Variants in ATXN1 observed in about 807,000 individuals in gnomAD.
ATXN1 encodes ataxin-1.
A neutral mutation model predicts 56.4 loss-of-function variants in ATXN1; 8 were observed. The ratio of observed to expected loss-of-function variants is 0.14; its 90% CI spans 0.08 to 0.26. The LOEUF (loss-of-function observed/expected upper bound fraction) is 0.26. Among genes scored for constraint, ATXN1 ranks in the 10% least tolerant of loss-of-function variants. The pLI is 1.00. For synonymous variants in ATXN1, 514 were observed against 494.6 expected (o/e 1.04, Z -0.52); for missense variants, 987 against 1,106.5 (o/e 0.89, Z 1.53).
At chr6:16,750,547 T>C (rs924170020) in intron 2 of ATXN1, among the ~76,000 whole-genome samples, 2 of 152,246 alleles carry the variant, frequency 1.3e-5, no homozygotes, top group South Asian at 2.1e-4. Flanking sequence ...AATGTTTAGA[T>C]AATGCTTATA....
intron 5 of ATXN1, among the ~76,000 whole-genome samples, chr6:16,496,222 G>C (rs1014744008): frequency 6.6e-6 from 1 of 151,978 alleles, no homozygotes; most frequent in Non-Finnish European, 1.5e-5. Context: ...TCTTTTTTTG[G>C]AGGAGGCTTC....
chr6:16,411,796 A>C (rs1758805296), intron 6 of ATXN1, among the ~76,000 whole-genome samples: 1 of 152,238 alleles, frequency 6.6e-6, no homozygotes, highest in Non-Finnish European at 1.5e-5. Context: ...ATATACCTTC[A>C]TGCCTAATTC....
chr6:16,453,695 G>T (rs1294307398), intron 6 of ATXN1, among the ~76,000 whole-genome samples: 2 of 152,114 alleles, frequency 1.3e-5, no homozygotes, highest in African/African-American at 2.4e-5. Flanking sequence ...TGTGCTACAG[G>T]TTGTGCATAT....
chr6:16,515,410 C>T (rs530060658), intron 5 of ATXN1, among the ~76,000 whole-genome samples: 1 of 152,308 alleles, frequency 6.6e-6, no homozygotes, highest in Non-Finnish European at 1.5e-5. Context: ...CCACTCCTCC[C>T]TCCCTACCAC....
chr6:16,473,366 A>C (rs551178608), intron 6 of ATXN1, among the ~76,000 whole-genome samples: 44 of 152,326 alleles, frequency 2.9e-4, no homozygotes, highest in African/African-American at 1.1e-3. Flanking sequence ...TGGTGAAATG[A>C]AACAGTCATT....
chr6:16,391,128 C>G (rs1158883893), intron 6 of ATXN1, among the ~76,000 whole-genome samples: 1 of 140,426 alleles, frequency 7.1e-6, no homozygotes, highest in Non-Finnish European at 1.5e-5. Flanking sequence ...CGTCACTGCA[C>G]TCCAGCCTGG....
At chr6:16,424,329 C>T (rs62387748) in intron 6 of ATXN1, among the ~76,000 whole-genome samples, 3 of 152,154 alleles carry the variant, frequency 2.0e-5, no homozygotes, top group South Asian at 2.1e-4. Flanking sequence ...CACAAACATT[C>T]GGTGATTTGG....
chr6:16,409,727 G>A (rs9383164), intron 6 of ATXN1, among the ~76,000 whole-genome samples: 62,452 of 150,540 alleles, frequency 0.41, 14,200 homozygotes, highest in East Asian at 0.93. Context: ...GTCTAAAATT[G>A]TTGTAAGACA....
chr6:16,575,798 C>T (rs1352380493), intron 4 of ATXN1, among the ~76,000 whole-genome samples: 1 of 152,214 alleles, frequency 6.6e-6, no homozygotes, highest in Non-Finnish European at 1.5e-5. Context: ...ACATAGTCAA[C>T]TCTACCTGGA....
intron 2 of ATXN1, among the ~76,000 whole-genome samples, chr6:16,715,884 T>C (rs1317092676): frequency 3.9e-5 from 6 of 152,192 alleles, no homozygotes; most frequent in Admixed American, 3.9e-4. Context: ...CCCTAAGCCC[T>C]ACCTCTAGTT....
chr6:16,668,773 ATTATTTTATTTTATTTT>A (rs1442767705), intron 2 of ATXN1, among the ~76,000 whole-genome samples: 4 of 151,858 alleles, frequency 2.6e-5, no homozygotes, highest in East Asian at 1.9e-4. Flanking sequence ...TGGAGCTTTT[ATTATTTTATTTTATTTT>A]TTATTTTATT....
chr6:16,491,314 C>T (rs1300425573), intron 5 of ATXN1, among the ~76,000 whole-genome samples: 5 of 111,026 alleles, frequency 4.5e-5, no homozygotes, highest in South Asian at 2.9e-4. Flanking sequence ...TACAAGGTTT[C>T]GCTCTTGTTG....
intron 6 of ATXN1, among the ~76,000 whole-genome samples, chr6:16,437,950 A>G (rs1181985330): frequency 6.6e-6 from 1 of 152,238 alleles, no homozygotes; most frequent in Non-Finnish European, 1.5e-5. Flanking sequence ...ATCATGCAAT[A>G]GAAAGATGTG....
chr6:16,732,527 C>T (rs1760014307), intron 2 of ATXN1, among the ~76,000 whole-genome samples: 1 of 152,024 alleles, frequency 6.6e-6, no homozygotes, highest in African/African-American at 2.4e-5. Context: ...GCCGAGATGG[C>T]ACCACTCCAC....
intron 2 of ATXN1, among the ~76,000 whole-genome samples, chr6:16,677,527 A>C (rs1561804588): frequency 6.6e-6 from 1 of 152,340 alleles, no homozygotes; most frequent in South Asian, 2.1e-4. Context: ...AAAGAGCAAA[A>C]AGATGGGGAT....
At chr6:16,318,918 T>C (rs1760580864) in intron 7 of ATXN1, among the ~76,000 whole-genome samples, 1 of 152,140 alleles carries the variant, frequency 6.6e-6, no homozygotes, top group Non-Finnish European at 1.5e-5. Flanking sequence ...TTCTGGGGCC[T>C]TAAAATGTGT....
intron 7 of ATXN1, among the ~76,000 whole-genome samples, chr6:16,324,272 A>C (rs1760751986): frequency 6.6e-6 from 1 of 152,082 alleles, no homozygotes; most frequent in Non-Finnish European, 1.5e-5. Flanking sequence ...GCAAGACCCC[A>C]TCTCTACTAA....
chr6:16,508,878 A>G (rs1244236331), intron 5 of ATXN1, among the ~76,000 whole-genome samples: 1 of 152,228 alleles, frequency 6.6e-6, no homozygotes, highest in Non-Finnish European at 1.5e-5. Flanking sequence ...GTGTTTATGG[A>G]CAGATGAATG....
At position 16,410,460 on chromosome 6, in the gene ATXN1, C is replaced by T. The variant is rs1030128887; in HGVS notation, c.-161+75512G>A. Among the ~76,000 whole-genome samples, 2 of 152,130 alleles carry T rather than the reference C, an allele frequency of 1.3e-5. No individual in the cohort carries two copies. Among genetic ancestry groups the T allele is most frequent in the Non-Finnish European group, 2.9e-5 (2 of 68,030 alleles). On this transcript the variant is annotated intron_variant, in intron 6 of 7. Coordinates refer to ENST00000436367, the MANE Select transcript of ATXN1 (RefSeq NM_001128164.2). The surrounding 1 kb of genome is among the most constrained non-coding windows in gnomAD (Gnocchi z 4.6). ...CTAATGCTTGCACTGGGATTTCTGA[C>T]GAATACCTCAGAGGCTATGTTGGGC...
Sources: allele counts gnomAD v4.1 joint callset (sites outside exome capture counted in the v4.1 genomes callset), GRCh38; gene constraint gnomAD v4.1.1; non-coding constraint Gnocchi (gnomAD v3.1); transcripts MANE v1.5; gene names NCBI Gene and HGNC (gene_info 2026-07-23, HGNC 2026-07-21).